The following NKAIN2 variants were observed in gnomAD, a reference collection of about 807,000 sequenced individuals.
NKAIN2 encodes the protein sodium/potassium-transporting ATPase subunit beta-1-interacting protein 2.
Under a neutral mutation model 32.6 loss-of-function variants are expected in NKAIN2, and 14 were observed. That is an observed-to-expected ratio of 0.43 (90% CI 0.28 to 0.67). The LOEUF (loss-of-function observed/expected upper bound fraction) is 0.67, where lower values mean the gene tolerates loss of function less well. Ranked by LOEUF, NKAIN2 falls within the 30% of genes least tolerant of loss-of-function variation. The probability of loss-of-function intolerance (pLI) is 0.17; values close to 1 mark genes in which losing one functional copy is unlikely to be tolerated. For synonymous variants in NKAIN2, 80 were observed against 87.2 expected (o/e 0.92, Z 0.46); for missense variants, 198 against 258.3 (o/e 0.77, Z 1.60).
intron 1 of NKAIN2, among the ~76,000 whole-genome samples, chr6:124,080,304 C>T (rs1783898912): frequency 6.6e-6 from 1 of 152,070 alleles, no homozygotes; most frequent in Admixed American, 6.6e-5. Flanking sequence ...CTGTCTTGTT[C>T]CTAGAAGCTA....
intron 1 of NKAIN2, among the ~76,000 whole-genome samples, chr6:124,100,503 A>G (rs1467065595): frequency 6.6e-6 from 1 of 152,232 alleles, no homozygotes; most frequent in African/African-American, 2.4e-5. Flanking sequence ...AAATGGCAAG[A>G]TATTCCACAG....
At chr6:123,925,816 G>A (rs778321317) in intron 1 of NKAIN2, among the ~76,000 whole-genome samples, 1 of 152,006 alleles carries the variant, frequency 6.6e-6, no homozygotes, top group Non-Finnish European at 1.5e-5. Context: ...CCAAGACCTG[G>A]CATTTCACAT....
chr6:124,225,163 G>A (rs1028977102), intron 1 of NKAIN2, among the ~76,000 whole-genome samples: 2 of 151,966 alleles, frequency 1.3e-5, no homozygotes, highest in Middle Eastern at 3.4e-3. Flanking sequence ...CAACAAAAAT[G>A]TTTCTGTTTC....
chr6:124,540,496 C>G (rs1298804874), intron 3 of NKAIN2, among the ~76,000 whole-genome samples: 1 of 152,156 alleles, frequency 6.6e-6, no homozygotes. Flanking sequence ...AAATATAGTT[C>G]ACCAGGATGG....
At chr6:123,850,591 C>T (rs183170703) in intron 1 of NKAIN2, among the ~76,000 whole-genome samples, 2,696 of 152,154 alleles carry the variant, frequency 0.018, 73 homozygotes, top group African/African-American at 0.061. Flanking sequence ...CTTTGTTTCA[C>T]TTTGTAATTT....
chr6:124,498,697 T>G (rs564245200), intron 3 of NKAIN2, among the ~76,000 whole-genome samples: 2 of 152,322 alleles, frequency 1.3e-5, no homozygotes, highest in South Asian at 4.1e-4. Context: ...ATTTTTCTAT[T>G]ATGTCTGAGA....
chr6:124,743,413 TAATA>T (rs1777312131), intron 4 of NKAIN2, among the ~76,000 whole-genome samples: 2 of 150,560 alleles, frequency 1.3e-5, no homozygotes, highest in Admixed American at 1.3e-4. Context: ...ATTAGTACTT[TAATA>T]ATTAATAAAT....
chr6:124,681,497 G>A (rs72975783), intron 4 of NKAIN2, among the ~76,000 whole-genome samples: 1 of 151,872 alleles, frequency 6.6e-6, no homozygotes, highest in Non-Finnish European at 1.5e-5. Flanking sequence ...GTATCATCTT[G>A]GTGTATGATT....
intron 3 of NKAIN2, among the ~76,000 whole-genome samples, chr6:124,643,494 T>C (rs551124387): frequency 6.6e-6 from 1 of 152,308 alleles, no homozygotes; most frequent in Non-Finnish European, 1.5e-5. Flanking sequence ...ATTAAGTACT[T>C]ATCAAATACT....
chr6:124,281,595 T>A (rs1484274432), intron 1 of NKAIN2, among the ~76,000 whole-genome samples: 3 of 152,198 alleles, frequency 2.0e-5, no homozygotes, highest in Admixed American at 6.5e-5. Context: ...TTTGTTTTTT[T>A]AATTATGGCG....
intron 1 of NKAIN2, among the ~76,000 whole-genome samples, chr6:124,102,023 G>A (rs1343103801): frequency 3.3e-5 from 5 of 152,330 alleles, no homozygotes; most frequent in Admixed American, 2.0e-4. Flanking sequence ...ACTCACGCAG[G>A]TGGCAAGACC....
At chr6:124,063,238 A>C (rs983525920) in intron 1 of NKAIN2, among the ~76,000 whole-genome samples, 1 of 152,064 alleles carries the variant, frequency 6.6e-6, no homozygotes, top group Non-Finnish European at 1.5e-5. Flanking sequence ...TTATGGAAAA[A>C]AATTAAAGAC....
intron 1 of NKAIN2, among the ~76,000 whole-genome samples, chr6:124,028,550 T>A (rs635412): frequency 0.67 from 101,631 of 150,992 alleles, 34,746 homozygotes; most frequent in African/African-American, 0.76. Flanking sequence ...AAATAAATTT[T>A]AAAAAAAAGG....
chr6:124,803,600 G>C (rs1375839513), intron 5 of NKAIN2, among the ~76,000 whole-genome samples: 1 of 152,124 alleles, frequency 6.6e-6, no homozygotes, highest in Non-Finnish European at 1.5e-5. Context: ...TGTCACACAG[G>C]CTGTTCCTGT....
At chr6:124,414,625 T>G (rs1265734025) in intron 3 of NKAIN2, among the ~76,000 whole-genome samples, 1 of 152,194 alleles carries the variant, frequency 6.6e-6, no homozygotes, top group East Asian at 1.9e-4. Context: ...TGAAGCCATT[T>G]GGACTTGGAG....
intron 3 of NKAIN2, among the ~76,000 whole-genome samples, chr6:124,482,768 T>C (rs1187496600): frequency 1.3e-5 from 2 of 152,238 alleles, no homozygotes; most frequent in East Asian, 3.8e-4. Context: ...TAGTTTAATA[T>C]GGTAGCAATT....
chr6:124,538,946 C>G (rs533028082), intron 3 of NKAIN2, among the ~76,000 whole-genome samples: 1 of 152,022 alleles, frequency 6.6e-6, no homozygotes, highest in African/African-American at 2.4e-5. Flanking sequence ...TAAACTTGCT[C>G]TTTTTTAATG....
intron 1 of NKAIN2, among the ~76,000 whole-genome samples, chr6:123,952,872 A>G (rs1777391558): frequency 6.6e-6 from 1 of 152,018 alleles, no homozygotes; most frequent in South Asian, 2.1e-4. Context: ...CCAGGATTTC[A>G]TGTATTTCTG....
chr6:124,343,722 T>G (rs926354825), intron 2 of NKAIN2, among the ~76,000 whole-genome samples: 5 of 150,164 alleles, frequency 3.3e-5, no homozygotes, highest in African/African-American at 9.7e-5. Context: ...TTGTAGATTC[T>G]GGATATTAGC....
Sources: allele counts gnomAD v4.1 joint callset (sites outside exome capture counted in the v4.1 genomes callset), GRCh38; gene constraint gnomAD v4.1.1; transcripts MANE v1.5; gene names NCBI Gene and HGNC (gene_info 2026-07-23, HGNC 2026-07-21).